Variants in TENM2 observed in about 807,000 individuals in gnomAD.
TENM2 encodes teneurin-2.
A neutral mutation model predicts 245.2 loss-of-function variants in TENM2; 52 were observed. That is an observed-to-expected ratio of 0.21 (90% CI 0.17 to 0.27). TENM2 has a LOEUF of 0.27. Among genes scored for constraint, TENM2 ranks in the 10% least tolerant of loss-of-function variants. The pLI, the probability that TENM2 is intolerant of heterozygous loss-of-function variation, is 1.00. For missense variants in TENM2, 3,046 were observed against 3,666.8 expected (o/e 0.83, Z 4.37); for synonymous variants, 1,363 against 1,438.9 (o/e 0.95, Z 1.19).
the TENM2 span, among the ~76,000 whole-genome samples, chr5:167,184,439 A>G: frequency 6.6e-6 from 1 of 152,182 alleles, no homozygotes; most frequent in Admixed American, 6.5e-5. Flanking sequence ...AAACATTGTG[A>G]TGGTAAAAAG....
intron 12 of TENM2, among the ~76,000 whole-genome samples, chr5:168,128,307 G>A (rs1795999178): frequency 6.6e-6 from 1 of 152,204 alleles, no homozygotes; most frequent in Non-Finnish European, 1.5e-5. Flanking sequence ...GGGGACGGCT[G>A]TGCACAGCCC....
exon 15 of TENM2, chr5:168,195,240 G>A (rs774462288): frequency 2.5e-6 from 4 of 1,607,584 alleles, no homozygotes; most frequent in Non-Finnish European, 3.4e-6. Context: ...CGGTGTGAAC[G>A]TGTCTTTTGT....
chr5:167,546,315 C>T (rs1309457988), intron 2 of TENM2, among the ~76,000 whole-genome samples: 1 of 152,152 alleles, frequency 6.6e-6, no homozygotes, highest in Non-Finnish European at 1.5e-5. Context: ...TAAGCAAATG[C>T]CTGACTTTCA....
At chr5:167,057,335 G>T in the TENM2 span, among the ~76,000 whole-genome samples, 4 of 152,006 alleles carry the variant, frequency 2.6e-5, no homozygotes, top group Admixed American at 1.3e-4. Flanking sequence ...TCTCTAATCT[G>T]GTTCTGATGC....
Position 167,460,454 on chromosome 5 carries a change from T to G in TENM2, c.502+84981T>G, listed in dbSNP as rs980005200. ...TGAGATGGGGATTCAGCTTAAAAAC[T>G]GTGAAGGGTTCTTTTAAAATTTTAT... On this transcript the variant is annotated intron_variant, in intron 2 of 28. Transcript: ENST00000518659. Among the ~76,000 whole-genome samples the G allele has an allele frequency of 2.0e-5, 3 of 152,204 alleles. No homozygotes were observed. The East Asian group carries it at 5.8e-4, about 29-fold the overall frequency.
At chr5:167,120,143 A>G in the TENM2 span, among the ~76,000 whole-genome samples, 1 of 152,188 alleles carries the variant, frequency 6.6e-6, no homozygotes, top group African/African-American at 2.4e-5. Flanking sequence ...GCCCAGGTTA[A>G]GAAGGACTCT....
chr5:167,442,584 A>G (rs1199819377), intron 2 of TENM2, among the ~76,000 whole-genome samples: 1 of 53,614 alleles, frequency 1.9e-5, no homozygotes, highest in Non-Finnish European at 3.1e-5. Context: ...ATTTTATCAG[A>G]AAAAAAAAAT....
chr5:167,351,874 A>G (rs1462871021), intron 1 of TENM2, among the ~76,000 whole-genome samples: 1 of 152,076 alleles, frequency 6.6e-6, no homozygotes, highest in Non-Finnish European at 1.5e-5. Flanking sequence ...ATAAAACCAC[A>G]ATTTCAAACC....
chr5:167,297,824 G>T (rs1755041480), intron 1 of TENM2, among the ~76,000 whole-genome samples: 1 of 152,104 alleles, frequency 6.6e-6, no homozygotes, highest in Admixed American at 6.5e-5. Flanking sequence ...TGGTGGGCTG[G>T]AGTGGGGGTC....
chr5:168,183,823 G>A (rs1760146131), intron 13 of TENM2, among the ~76,000 whole-genome samples: 1 of 151,242 alleles, frequency 6.6e-6, no homozygotes, highest in Admixed American at 6.6e-5. Flanking sequence ...CCCATATGAT[G>A]CCAAGAAGAC....
intron 1 of TENM2, among the ~76,000 whole-genome samples, chr5:167,311,601 G>A (rs544003780): frequency 9.2e-5 from 14 of 152,114 alleles, no homozygotes; most frequent in South Asian, 2.1e-4. Flanking sequence ...GTTTTCGTGC[G>A]TTTTTCATAT....
the TENM2 span, among the ~76,000 whole-genome samples, chr5:167,142,196 G>T: frequency 6.6e-6 from 1 of 152,104 alleles, no homozygotes; most frequent in African/African-American, 2.4e-5. Context: ...AACATGTGTT[G>T]TTTGTTTTGG....
chr5:167,167,452 A>G, the TENM2 span, among the ~76,000 whole-genome samples: 1 of 152,228 alleles, frequency 6.6e-6, no homozygotes, highest in Non-Finnish European at 1.5e-5. Flanking sequence ...TCAGCTCCGG[A>G]TCACTCTTTC....
chr5:166,993,060 T>G, the TENM2 span, among the ~76,000 whole-genome samples: 4 of 151,970 alleles, frequency 2.6e-5, no homozygotes, highest in African/African-American at 9.7e-5. Flanking sequence ...TTTCTTAAAC[T>G]ATTGTAGGCT....
chr5:167,616,211 G>T (rs562499714), intron 2 of TENM2, among the ~76,000 whole-genome samples: 1 of 152,130 alleles, frequency 6.6e-6, no homozygotes, highest in Non-Finnish European at 1.5e-5. Context: ...TCCAGAACTA[G>T]AAGTCCTATA....
At chr5:167,169,206 A>T in the TENM2 span, among the ~76,000 whole-genome samples, 1 of 152,130 alleles carries the variant, frequency 6.6e-6, no homozygotes, top group African/African-American at 2.4e-5. Flanking sequence ...GGTTTAATAA[A>T]TAGCTAGGGG....
chr5:167,118,582 T>A, the TENM2 span, among the ~76,000 whole-genome samples: 5 of 152,340 alleles, frequency 3.3e-5, no homozygotes, highest in East Asian at 7.7e-4. Flanking sequence ...CAGCCTACAA[T>A]TTATTGATCA....
chr5:167,030,607 T>C, the TENM2 span, among the ~76,000 whole-genome samples: 1 of 152,170 alleles, frequency 6.6e-6, no homozygotes, highest in Non-Finnish European at 1.5e-5. Flanking sequence ...TCTTCTGACA[T>C]CTCTCCTTCC....
At chr5:168,126,763 C>T in exon 12 of TENM2, 2 of 1,611,458 alleles carry the variant, frequency 1.2e-6, no homozygotes, top group Non-Finnish European at 1.7e-6. Context: ...GAAGTGTGCT[C>T]AGTAGACTGT....
Sources: allele counts gnomAD v4.1 joint callset (sites outside exome capture counted in the v4.1 genomes callset), GRCh38; gene constraint gnomAD v4.1.1; transcripts MANE v1.5; gene names NCBI Gene and HGNC (gene_info 2026-07-23, HGNC 2026-07-21).